PTK2B: variants seen among roughly 807,000 people sequenced by gnomAD.
The protein encoded by PTK2B is protein-tyrosine kinase 2-beta.
A neutral mutation model predicts 142.9 loss-of-function variants in PTK2B; 71 were observed. The observed-to-expected ratio is 0.50, with a 90% CI of 0.41 to 0.61. PTK2B has a LOEUF of 0.61. PTK2B is among the 20% of genes least tolerant of loss of function. The pLI is 0.00. For missense variants in PTK2B, 1,105 were observed against 1,320.4 expected (o/e 0.84, Z 2.53); for synonymous variants, 519 against 503.4 (o/e 1.03, Z -0.42).
At position 27,432,152 on chromosome 8, in the gene PTK2B, C is replaced by G. The variant is rs527409672; in HGVS notation, c.886-108C>G. The G allele has an allele frequency of 3.3e-6, 3 of 903,492 alleles. No homozygotes were observed. The African/African-American group carries it at 5.0e-5, about 15-fold the overall frequency. 56.0% of individuals were successfully genotyped at this position (903,492 alleles called of 1,614,324 possible). A position where few individuals can be genotyped will look rare whatever the true frequency, so the allele number is the denominator to read the frequency against. Reference sequence around the variant, plus strand: ...AGTGTTTGATTCTCTCTTCATCTCCCAGAGAAACTCCCAGTTCCTCCTCAC... The same window carrying G: ...AGTGTTTGATTCTCTCTTCATCTCCGAGAGAAACTCCCAGTTCCTCCTCAC... On this transcript the variant is annotated intron_variant, in intron 9 of 30. Transcript: ENST00000346049.
rs116921614 is a variant in PTK2B, at chr8:27,419,099, G to A, written c.205-796G>A. 7.7e-4 allele frequency among the ~76,000 whole-genome samples: 117 copies of A among 152,314 alleles called. 1 individual carries two copies. The East Asian group carries it at 0.019, about 25-fold the overall frequency. On this transcript the variant is annotated intron_variant, in intron 2 of 30. Transcript: ENST00000346049. ...CTTACAGATGGACTTCTAGGCAGCT[G>A]CCCGGTTGGCCCACCTGTTAATCCA...
chr8:27,454,099 C>A, intron 28 of PTK2B, 55 bp from the exon 29 acceptor site: 1 of 1,606,886 alleles, frequency 6.2e-7, no homozygotes, highest in Non-Finnish European at 8.5e-7. Flanking sequence ...AGGAAAGAAT[C>A]ATTCCGTGCC....
At chr8:27,336,791 AG>A (rs1344817772) in intron 1 of PTK2B, among the ~76,000 whole-genome samples, 2 of 152,132 alleles carry the variant, frequency 1.3e-5, no homozygotes, top group Non-Finnish European at 2.9e-5. Flanking sequence ...TGTGGTCTAA[AG>A]AGAGTTAGCT....
upstream of PTK2B, chr8:27,310,804 A>G (rs1304754678): frequency 1.9e-6 from 3 of 1,583,684 alleles, no homozygotes; most frequent in South Asian, 2.2e-5. Context: ...CTCTTACCCG[A>G]AAGTCGTGGG....
intron 23 of PTK2B, 150 bp from the exon 24 acceptor site, chr8:27,445,644 C>G (rs1811423495): frequency 9.0e-7 from 1 of 1,115,720 alleles, no homozygotes; most frequent in Non-Finnish European, 1.3e-6. Context: ...AATGGAAGGC[C>G]CACGTTTTGT....
chr8:27,458,746 AG>A lies in PTK2B; in HGVS notation c.*242del, dbSNP rs1192043341. The A allele has an allele frequency of 1.7e-6, 1 of 573,136 alleles. No homozygotes were observed. Among genetic ancestry groups the A allele is most frequent in the East Asian group, 2.9e-5 (1 of 33,992 alleles). 35.5% of individuals were successfully genotyped at this position (573,136 alleles called of 1,614,324 possible). ...GGTGACGGTGACAAAGATGGCTCAG[AG>A]GGGGACTGCTGCTGCCTGGCCACTG... On this transcript the variant is annotated 3_prime_UTR_variant, in exon 31 of 31. Coordinates refer to ENST00000346049, the MANE Select transcript of PTK2B (RefSeq NM_173176.3).
chr8:27,451,675 G>T (rs756167657), intron 27 of PTK2B, 166 bp downstream of exon 27: 2 of 1,474,522 alleles, frequency 1.4e-6, no homozygotes, highest in South Asian at 2.8e-5. Flanking sequence ...CTTCCCCTCC[G>T]CTCCCTCCAC....
chr8:27,337,416 G>A (rs770877956), intron 1 of PTK2B, among the ~76,000 whole-genome samples: 6 of 152,192 alleles, frequency 3.9e-5, no homozygotes, highest in Non-Finnish European at 7.3e-5. Context: ...GATTACAGGC[G>A]TGAGCTACTG....
At chr8:27,325,015 C>T (rs1193699769), upstream of PTK2B, among the ~76,000 whole-genome samples, 4 of 152,210 alleles carry the variant, frequency 2.6e-5, no homozygotes, top group Non-Finnish European at 5.9e-5. Context: ...ACCTGGTCTT[C>T]TGTGTTCAGG....
intron 2 of PTK2B, among the ~76,000 whole-genome samples, chr8:27,403,323 C>T (rs1808492313): frequency 6.6e-6 from 1 of 152,178 alleles, no homozygotes; most frequent in African/African-American, 2.4e-5. Flanking sequence ...GTCCACATGG[C>T]AACACATTTC....
At chr8:27,316,880 T>C (rs1300923755) in intron 3 of PTK2B, among the ~76,000 whole-genome samples, 1 of 152,238 alleles carries the variant, frequency 6.6e-6, no homozygotes, top group East Asian at 1.9e-4. Flanking sequence ...CTTTTTTCTG[T>C]CTGTATCATT....
intron 1 of PTK2B, among the ~76,000 whole-genome samples, chr8:27,367,469 G>T (rs1806085758): frequency 6.6e-6 from 1 of 152,216 alleles, no homozygotes; most frequent in Non-Finnish European, 1.5e-5. Flanking sequence ...CAACAAGGAG[G>T]AAGGTGACAG....
upstream of PTK2B, chr8:27,311,024 G>C: frequency 6.2e-7 from 1 of 1,609,050 alleles, no homozygotes. Context: ...GGTGTGGTTG[G>C]TGCGCAGGTC....
At chr8:27,419,223 T>C (rs1002479229) in intron 2 of PTK2B, among the ~76,000 whole-genome samples, 1 of 152,186 alleles carries the variant, frequency 6.6e-6, no homozygotes, top group Admixed American at 6.5e-5. Flanking sequence ...GGGCACGTGG[T>C]TTCTTGCCAG....
At chr8:27,431,154 G>A in intron 8 of PTK2B, 138 bp downstream of exon 8, 5 of 1,480,912 alleles carry the variant, frequency 3.4e-6, no homozygotes, top group Admixed American at 2.1e-5. Flanking sequence ...ACCTGCCGTC[G>A]GTGGAAGTCA....
chr8:27,353,820 G>A (rs1805242299), intron 1 of PTK2B, among the ~76,000 whole-genome samples: 1 of 152,210 alleles, frequency 6.6e-6, no homozygotes, highest in Admixed American at 6.5e-5. Context: ...AGGGGACAAA[G>A]AGCCTCAGCA....
intron 1 of PTK2B, chr8:27,396,212 G>A (rs1808041783): frequency 6.6e-6 from 1 of 152,102 alleles, no homozygotes; most frequent in Non-Finnish European, 1.5e-5. Flanking sequence ...AAAAGGAATG[G>A]CTCTTTGAAG....
intron 17 of PTK2B, 98 bp from the exon 18 acceptor site, chr8:27,437,667 C>A: frequency 7.6e-7 from 1 of 1,311,058 alleles, no homozygotes; most frequent in Non-Finnish European, 1.1e-6. Context: ...TGTCTCCCAC[C>A]GCCCCCAGGG....
rs1268102635 is a variant in PTK2B at position 27,436,204 on chromosome 8, A to T, written c.1244-47A>T. Reference sequence around the variant, plus strand: ...TGCAGACACTCAGGTTCCCTAGGGGATACCACCGATCTCTGTGATCTGCGA... The same window carrying T: ...TGCAGACACTCAGGTTCCCTAGGGGTTACCACCGATCTCTGTGATCTGCGA... On this transcript the variant is annotated intron_variant, in intron 14 of 30. Coordinates refer to ENST00000346049, the MANE Select transcript of PTK2B (RefSeq NM_173176.3). 4.4e-6 allele frequency: 7 copies of T among 1,584,712 alleles called. No homozygotes were observed. The South Asian group carries it at 7.8e-5, about 18-fold the overall frequency.
Sources: allele counts gnomAD v4.1 joint callset (sites outside exome capture counted in the v4.1 genomes callset), GRCh38; gene constraint gnomAD v4.1.1; transcripts MANE v1.5; gene names NCBI Gene and HGNC (gene_info 2026-07-23, HGNC 2026-07-21).